The following HACE1 variants were observed in gnomAD, a reference collection of about 807,000 sequenced individuals.
HACE1 encodes the protein E3 ubiquitin-protein ligase HACE1.
HACE1 carries 73 observed loss-of-function variants against 118.4 expected under a neutral mutation model. That is an observed-to-expected ratio of 0.62 (90% confidence interval 0.51 to 0.75). HACE1 has a LOEUF of 0.75. Ranked by LOEUF, HACE1 falls within the 30% of genes least tolerant of loss-of-function variation. The pLI, the probability that HACE1 is intolerant of heterozygous loss-of-function variation, is 0.00. For missense variants in HACE1, 749 were observed against 1,102.2 expected, an observed-to-expected ratio of 0.68 and a Z score of 4.54; for synonymous variants, 368 against 374.8, an observed-to-expected ratio of 0.98 and a Z score of 0.21.
At chr6:104,750,578 A>T in intron 19 of HACE1, 106 bp from the exon 20 acceptor site, 1 of 1,039,162 alleles carries the variant, frequency 9.6e-7, no homozygotes, top group Non-Finnish European at 1.4e-6. Context: ...AATAAAATTG[A>T]CACCAACACT....
chr6:104,802,559 C>T (rs1056300146), intron 7 of HACE1, among the ~76,000 whole-genome samples: 1 of 152,214 alleles, frequency 6.6e-6, no homozygotes, highest in African/African-American at 2.4e-5. Flanking sequence ...GATTAACAAA[C>T]TCATTCAAGA....
intron 19 of HACE1, among the ~76,000 whole-genome samples, chr6:104,770,663 G>A (rs1048305910): frequency 1.3e-5 from 2 of 152,182 alleles, no homozygotes; most frequent in African/African-American, 2.4e-5. Flanking sequence ...AGGTTGCAGT[G>A]AGCCGAGATC....
intron 22 of HACE1, among the ~76,000 whole-genome samples, chr6:104,741,660 A>G (rs1325372677): frequency 3.4e-5 from 5 of 144,974 alleles, no homozygotes; most frequent in Non-Finnish European, 6.0e-5. Flanking sequence ...GAAATAAAAG[A>G]GGATACAAAC....
chr6:104,786,340 C>CA (rs1221098277), intron 11 of HACE1: 3,894 of 63,552 alleles, frequency 0.061, 198 homozygotes, highest in African/African-American at 0.17. Flanking sequence ...GACTCCATCT[C>CA]AAAAAAAAAA....
intron 19 of HACE1, among the ~76,000 whole-genome samples, chr6:104,770,838 T>C (rs1445012764): frequency 6.6e-6 from 1 of 152,234 alleles, no homozygotes; most frequent in Non-Finnish European, 1.5e-5. Context: ...TTTTCTCTAT[T>C]AGAATTCTTT....
At chr6:104,792,123 T>C (rs796214453) in intron 10 of HACE1, among the ~76,000 whole-genome samples, 3 of 152,318 alleles carry the variant, frequency 2.0e-5, no homozygotes, top group East Asian at 1.9e-4. Context: ...CATAATCCCA[T>C]ATCCCCTTCC....
intron 19 of HACE1, among the ~76,000 whole-genome samples, chr6:104,754,786 G>A (rs1485257337): frequency 6.6e-6 from 1 of 152,048 alleles, no homozygotes; most frequent in African/African-American, 2.4e-5. Context: ...CCTGAAGAAA[G>A]AACTAAATAT....
At chr6:104,750,621 C>A in intron 19 of HACE1, 149 bp from the exon 20 acceptor site, 2 of 759,420 alleles carry the variant, frequency 2.6e-6, no homozygotes, top group South Asian at 1.7e-5. Flanking sequence ...AGCCACTATT[C>A]ACTAAGCTGT....
At chr6:104,847,795 GAGA>G (rs1232315536) in intron 4 of HACE1, among the ~76,000 whole-genome samples, 1 of 151,888 alleles carries the variant, frequency 6.6e-6, no homozygotes, top group Non-Finnish European at 1.5e-5. Context: ...CGTGTCCATA[GAGA>G]AGTTTTTTGG....
chr6:104,748,208 T>C (rs1431081233), intron 20 of HACE1, among the ~76,000 whole-genome samples: 1 of 151,230 alleles, frequency 6.6e-6, no homozygotes, highest in Non-Finnish European at 1.5e-5. Context: ...AAAAGACTCT[T>C]ATAAAAGAAT....
intron 1 of HACE1, among the ~76,000 whole-genome samples, chr6:104,853,206 T>C (rs1776410741): frequency 6.6e-6 from 1 of 152,198 alleles, no homozygotes; most frequent in Non-Finnish European, 1.5e-5. Context: ...GGATGACTCT[T>C]ACTCGATGCT....
chr6:104,791,584 G>A lies in HACE1; in HGVS notation c.994C>T (p.Arg332Ter), dbSNP rs759641985. 5 of 1,610,790 alleles carry A rather than the reference G, an allele frequency of 3.1e-6. No homozygotes were observed. The Admixed American group carries it at 6.7e-5, about 21-fold the overall frequency. ...TTACTGGGGGAGGATGGACCAATTC[G>A]AAAGACGTGACAAAACATTCTCACA... Reference protein sequence around the residue: ...RIVRMFCHVFRIGPSSPSNGI... With the variant: ...RIVRMFCHVF Residue 332 changes from arginine to a stop codon, truncating the protein, a stop_gained, in exon 11 of 24, where the codon CGA becomes TGA. Coordinates refer to ENST00000262903, the MANE Select transcript of HACE1 (RefSeq NM_020771.4). LOFTEE classifies it high-confidence loss of function.
At chr6:104,809,588 A>C (rs1582586901) in intron 7 of HACE1, among the ~76,000 whole-genome samples, 1 of 152,208 alleles carries the variant, frequency 6.6e-6, no homozygotes, top group East Asian at 1.9e-4. Flanking sequence ...TTATATTTAA[A>C]ATGTAACAAC....
Position 104,814,084 on chromosome 6 carries a change from T to C in HACE1, c.535-2691A>G, listed in dbSNP as rs1454026385. On this transcript the variant is annotated intron_variant, in intron 6 of 23. Transcript: ENST00000262903. Reference sequence around the variant, plus strand: ...AAAATAGGAAAGATGAGAAAATTTGTGAATCAATCAAGGGAGACATACTGC... The same window carrying C: ...AAAATAGGAAAGATGAGAAAATTTGCGAATCAATCAAGGGAGACATACTGC... 3.7e-5 allele frequency among the ~76,000 whole-genome samples: 5 copies of C among 136,926 alleles called. 1 individual carries two copies. The highest frequency in any genetic ancestry group is 1.5e-4 in the African/African-American group (5 of 34,112). 89.8% of individuals were successfully genotyped at this position (136,926 alleles called of 152,430 possible).
In HACE1 at chr6:104,797,084, T is replaced by C. The variant is rs1769737746; in HGVS notation, c.618-59A>G. ...TCTTTTTAAAGTCTTTCTCTATGAA[T>C]TATGGATAGTTAATATGAGTCAATG... On this transcript the variant is annotated intron_variant, in intron 7 of 23. Coordinates refer to ENST00000262903, the MANE Select transcript of HACE1 (RefSeq NM_020771.4). 4.4e-6 allele frequency: 4 copies of C among 916,360 alleles called. No homozygotes were observed. In the East Asian group the frequency reaches 9.6e-5, roughly 22 times the overall value. 56.8% of individuals were successfully genotyped at this position (916,360 alleles called of 1,614,324 possible).
intron 7 of HACE1, among the ~76,000 whole-genome samples, chr6:104,799,330 C>A (rs1194027793): frequency 6.6e-6 from 1 of 152,174 alleles, no homozygotes; most frequent in East Asian, 1.9e-4. Flanking sequence ...CAATTCTTCA[C>A]ACCATGACCA....
chr6:104,833,774 C>A (rs865922874), intron 5 of HACE1, among the ~76,000 whole-genome samples: 1 of 152,166 alleles, frequency 6.6e-6, no homozygotes, highest in Middle Eastern at 3.2e-3. Context: ...ATCACAAGGT[C>A]AGGAGATCAA....
At chr6:104,823,504 A>AT (rs34617157) in intron 6 of HACE1, among the ~76,000 whole-genome samples, 65,558 of 151,394 alleles carry the variant, frequency 0.43, 15,776 homozygotes, top group East Asian at 0.57. Flanking sequence ...CTACTTTTCT[A>AT]TTTTTTTAAA....
intron 7 of HACE1, 66 bp from the exon 8 acceptor site, chr6:104,797,091 T>G: frequency 6.9e-6 from 6 of 875,376 alleles, no homozygotes; most frequent in Non-Finnish European, 1.2e-5. Context: ...GAATTATGGA[T>G]AGTTAATATG....
Sources: gnomAD v4.1 joint callset for allele counts (sites outside exome capture counted in the v4.1 genomes callset) on GRCh38, gnomAD v4.1.1 for gene constraint, MANE v1.5 for transcripts, NCBI Gene and HGNC (gene_info 2026-07-23, HGNC 2026-07-21) for gene names.